The following APPL1 variants were observed in gnomAD, a reference collection of about 807,000 sequenced individuals.
APPL1 encodes the protein adaptor protein, phosphotyrosine interacting with PH domain and leucine zipper 1.
In APPL1, 42 loss-of-function variants were observed where a neutral mutation model predicts 106.8. That is an observed-to-expected ratio of 0.39 (90% CI 0.31 to 0.51). The LOEUF (loss-of-function observed/expected upper bound fraction) is 0.51. Among genes scored for constraint, APPL1 ranks in the 20% least tolerant of loss-of-function variants. APPL1 has a pLI of 0.75. For missense variants in APPL1, 769 were observed against 858.2 expected, an observed-to-expected ratio of 0.90 and a Z score of 1.30; for synonymous variants, 263 against 281.8, an observed-to-expected ratio of 0.93 and a Z score of 0.67.
chr3:57,267,187 GTTTT>G (rs1388299206), intron 19 of APPL1, among the ~76,000 whole-genome samples: 1 of 152,072 alleles, frequency 6.6e-6, no homozygotes, highest in Non-Finnish European at 1.5e-5. Context: ...GTGTTTTGTA[GTTTT>G]TTGTGTAAAT....
At chr3:57,242,458 G>C (rs2060751877) in intron 6 of APPL1, among the ~76,000 whole-genome samples, 1 of 151,916 alleles carries the variant, frequency 6.6e-6, no homozygotes, top group African/African-American at 2.4e-5. Flanking sequence ...TTAAGATACA[G>C]GGTCTTGCTC....
chr3:57,244,429 T>G (rs2060762313), intron 7 of APPL1, among the ~76,000 whole-genome samples: 1 of 152,178 alleles, frequency 6.6e-6, no homozygotes, highest in Non-Finnish European at 1.5e-5. Flanking sequence ...GTGCTGGGAT[T>G]ACAGGCTTGA....
chr3:57,269,835 G>A lies in APPL1; in HGVS notation c.*148G>A. ...GTAGCTACATTTTAAAAAAAAGATT[G>A]AACTTGATGACTTAGGTTTGCATTG... On this transcript the variant is annotated 3_prime_UTR_variant, in exon 22 of 22. Transcript: ENST00000288266. 1.1e-6 allele frequency: 1 copy of A among 913,334 alleles called. No individual in the cohort carries two copies. Among genetic ancestry groups the A allele is most frequent in the Non-Finnish European group, 1.6e-6 (1 of 624,000 alleles). 56.6% of individuals were successfully genotyped at this position (913,334 alleles called of 1,614,324 possible).
Position 57,269,658 on chromosome 3 carries a change from G to A in APPL1, c.2101G>A (p.Gly701Arg). The A allele has an allele frequency of 6.2e-7, 1 of 1,614,026 alleles. No individual in the cohort carries two copies. The highest frequency in any genetic ancestry group is 1.1e-5 in the South Asian group (1 of 91,058). Residue 701 changes from glycine (G) to arginine (R), a missense_variant, in exon 22 of 22, where the codon GGA becomes AGA. Physicochemically the swap from Gly to Arg is moderately radical, Grantham distance 125 (BLOSUM62 -2). Transcript: ENST00000288266. ...SQSEESDLGEGGKKRESEA is the reference protein window; with the variant it reads ...SQSEESDLGERGKKRESEA Reference sequence around the variant, plus strand: ...GTCAGAAGAGAGTGATTTGGGAGAAGGAGGAAAGAAGAGAGAATCAGAAGC... The same window carrying A: ...GTCAGAAGAGAGTGATTTGGGAGAAAGAGGAAAGAAGAGAGAATCAGAAGC...
intron 15 of APPL1, among the ~76,000 whole-genome samples, chr3:57,258,609 GA>G (rs2060849487): frequency 6.6e-6 from 1 of 152,182 alleles, no homozygotes; most frequent in Non-Finnish European, 1.5e-5. Context: ...TTTAAAACTA[GA>G]TTATAGGTAA....
intron 1 of APPL1, among the ~76,000 whole-genome samples, chr3:57,234,087 C>A (rs1462713773): frequency 6.6e-6 from 1 of 152,204 alleles, no homozygotes; most frequent in Non-Finnish European, 1.5e-5. Flanking sequence ...TCTCAAACAA[C>A]AACAGCGACA....
rs746446627 is a variant in APPL1, at chr3:57,247,431, GAAC to G, written c.662_664del (p.Gln221del). ...TAAGATGGGTTCTGAAAATCTTAAT[GAAC>G]AACTGGAAGAATTTTTAGCTAATAT... On this transcript the variant is annotated inframe_deletion, in exon 9 of 22. Coordinates refer to ENST00000288266, the MANE Select transcript of APPL1 (RefSeq NM_012096.3). 4 of 1,611,560 alleles carry G rather than the reference GAAC, an allele frequency of 2.5e-6. No individual in the cohort carries two copies. Among genetic ancestry groups the G allele is most frequent in the Middle Eastern group, 1.7e-4 (1 of 6,056 alleles).
At chr3:57,230,229 CT>C (rs112339902) in intron 1 of APPL1, among the ~76,000 whole-genome samples, 10,914 of 152,208 alleles carry the variant, frequency 0.072, 1,301 homozygotes, top group African/African-American at 0.25. Context: ...ATCACTGCCA[CT>C]TTACTACCTT....
At chr3:57,236,492 A>T (rs940042746) in intron 2 of APPL1, among the ~76,000 whole-genome samples, 1 of 141,114 alleles carries the variant, frequency 7.1e-6, no homozygotes, top group Non-Finnish European at 1.6e-5. Context: ...CTACGCCCAG[A>T]TAATTTTGTA....
At chr3:57,251,480 G>A (rs1275997414) in intron 11 of APPL1, among the ~76,000 whole-genome samples, 11 of 148,522 alleles carry the variant, frequency 7.4e-5, no homozygotes, top group Admixed American at 2.7e-4. Context: ...AGCCGAGATC[G>A]CGCCACTGCA....
At position 57,242,799 on chromosome 3, in the gene APPL1, C is replaced by A. The variant is rs368465585; in HGVS notation, c.416-57C>A. The A allele has an allele frequency of 2.1e-4, 270 of 1,295,016 alleles. 2 individuals are homozygous for A. The African/African-American group carries it at 3.6e-3, about 17-fold the overall frequency. 80.2% of individuals were successfully genotyped at this position (1,295,016 alleles called of 1,614,324 possible). A position where few individuals can be genotyped will look rare whatever the true frequency, so the allele number is the denominator to read the frequency against. On this transcript the variant is annotated intron_variant, in intron 6 of 21. Coordinates refer to ENST00000288266, the MANE Select transcript of APPL1 (RefSeq NM_012096.3). ...GTGCACATGTGAAGACCATTGAAAG[C>A]ATTTGTAAGTTTTGAAAAGTACTGT...
rs1398391392 is a variant in APPL1 at position 57,248,198 on chromosome 3, G to A, written c.710G>A (p.Arg237His). ...AATAATCTGTTCTGTGTCAGTGTTCGCAGGGAAATGGACAGTGATATAGAG... is the reference window on the plus strand; with the variant it reads ...AATAATCTGTTCTGTGTCAGTGTTCACAGGGAAATGGACAGTGATATAGAG... Reference protein sequence around the residue: ...ANIGTSVQNVRREMDSDIETM... With the variant: ...ANIGTSVQNVHREMDSDIETM... Residue 237 changes from arginine to histidine, a missense_variant, in exon 10 of 22, where the codon CGC becomes CAC. By Grantham distance (29) the Arg-to-His change is conservative. Transcript: ENST00000288266. 3 of 1,611,460 alleles carry A rather than the reference G, an allele frequency of 1.9e-6. No individual in the cohort carries two copies. The highest frequency in any genetic ancestry group is 2.2e-5 in the East Asian group (1 of 44,848).
rs925742683 is a variant in APPL1 at position 57,259,903 on chromosome 3, A to G, written c.1542A>G (p.Ser514=). Residue 514 remains serine, a synonymous_variant, in exon 17 of 22, where the codon TCA becomes TCG. Transcript: ENST00000288266. The part of the protein sequence containing the change: ...VRFLGSMEVK[S]DDHPDVVYET... ...TCCTTGGTTCAATGGAGGTGAAATC[A>G]GATGACCATCCAGATGTTGTTTATG... 7.4e-6 allele frequency: 12 copies of G among 1,613,474 alleles called. No homozygotes were observed. Among genetic ancestry groups the G allele is most frequent in the Non-Finnish European group, 1.0e-5 (12 of 1,179,894 alleles).
At chr3:57,235,915 T>A (rs2060713775) in intron 2 of APPL1, among the ~76,000 whole-genome samples, 1 of 152,214 alleles carries the variant, frequency 6.6e-6, no homozygotes, top group Admixed American at 6.5e-5. Flanking sequence ...AAACATAGTT[T>A]GGGGGGAACC....
chr3:57,229,832 G>C (rs1451440647), intron 1 of APPL1, among the ~76,000 whole-genome samples: 1 of 149,516 alleles, frequency 6.7e-6, no homozygotes, highest in East Asian at 2.0e-4. Context: ...TCATGCCTCA[G>C]CCTCCTGAGT....
At chr3:57,251,259 C>A (rs1294532117) in intron 11 of APPL1, among the ~76,000 whole-genome samples, 1 of 151,382 alleles carries the variant, frequency 6.6e-6, no homozygotes, top group African/African-American at 2.4e-5. Flanking sequence ...CTTGGTGGCT[C>A]ACGCCTGTAA....
intron 6 of APPL1, 36 bp from the exon 7 acceptor site, chr3:57,242,820 A>G (rs760532359): frequency 6.7e-7 from 1 of 1,491,166 alleles, no homozygotes; most frequent in African/African-American, 1.4e-5. Flanking sequence ...TTTGAAAAGT[A>G]CTGTTGTATT....
At chr3:57,262,420 T>C (rs2060871717) in intron 19 of APPL1, among the ~76,000 whole-genome samples, 1 of 99,456 alleles carries the variant, frequency 1.0e-5, no homozygotes, top group Admixed American at 1.5e-4. Flanking sequence ...TGAGACAGAC[T>C]CTTGCTCTGT....
intron 8 of APPL1, among the ~76,000 whole-genome samples, chr3:57,247,194 T>C (rs2060778547): frequency 6.6e-6 from 1 of 152,210 alleles, no homozygotes; most frequent in African/African-American, 2.4e-5. Flanking sequence ...TAAAAGGATA[T>C]GCAGTGGAAT....
Sources: gnomAD v4.1 joint callset for allele counts (sites outside exome capture counted in the v4.1 genomes callset) on GRCh38, gnomAD v4.1.1 for gene constraint, MANE v1.5 for transcripts, NCBI Gene and HGNC (gene_info 2026-07-23, HGNC 2026-07-21) for gene names.